The following SEMA3D variants were observed in gnomAD, a reference collection of about 807,000 sequenced individuals.
SEMA3D encodes semaphorin 3D.
Under a neutral mutation model 100.1 loss-of-function variants are expected in SEMA3D, and 84 were observed. That is an observed-to-expected ratio of 0.84 (90% CI 0.70 to 1.01). SEMA3D has a LOEUF of 1.01. Ranked by LOEUF, SEMA3D falls within the 50% of genes least tolerant of loss-of-function variation. SEMA3D has a pLI of 0.00. For missense variants in SEMA3D, 875 were observed against 934.1 expected (o/e 0.94, Z 0.82); for synonymous variants, 312 against 320.7 (o/e 0.97, Z 0.29).
At position 84,996,641 on chromosome 7, in the gene SEMA3D, A is replaced by G. The variant is rs1397233670; in HGVS notation, c.*2799T>C. 6.6e-6 allele frequency: 1 copy of G among 152,440 alleles called. No individual in the cohort carries two copies. 9.4% of individuals were successfully genotyped at this position (152,440 alleles called of 1,614,324 possible). On this transcript the variant is annotated 3_prime_UTR_variant, in exon 19 of 19. Transcript: ENST00000284136. ...ATGTAAATGAATGCAGACATGCGGG[A>G]TTCTATTTAGCAGCATAAATTGCTG...
chr7:85,207,346 C>G, the SEMA3D span, among the ~76,000 whole-genome samples: 2 of 151,982 alleles, frequency 1.3e-5, no homozygotes, highest in African/African-American at 4.8e-5. Context: ...CATACATTGA[C>G]AAGGAGGTTT....
chr7:85,083,857 A>AT (rs1788138726), intron 4 of SEMA3D, among the ~76,000 whole-genome samples: 1 of 142,592 alleles, frequency 7.0e-6, no homozygotes, highest in Non-Finnish European at 1.5e-5. Context: ...AAAAAAAAAA[A>AT]ATTGCATCGG....
At chr7:85,176,803 G>T (rs996872888) in intron 1 of SEMA3D, among the ~76,000 whole-genome samples, 144 of 149,272 alleles carry the variant, frequency 9.6e-4, no homozygotes, top group East Asian at 2.4e-3. Flanking sequence ...TAGAGAGAGA[G>T]AGAGAGAGAG....
At chr7:85,014,009 A>G (rs1643569056) in intron 16 of SEMA3D, among the ~76,000 whole-genome samples, 1 of 151,766 alleles carries the variant, frequency 6.6e-6, no homozygotes, top group Non-Finnish European at 1.5e-5. Context: ...TTAACTTTTA[A>G]TTTCTAATAA....
chr7:85,209,966 G>A, the SEMA3D span, among the ~76,000 whole-genome samples: 1 of 152,052 alleles, frequency 6.6e-6, no homozygotes, highest in African/African-American at 2.4e-5. Context: ...CAGTAGTGGA[G>A]TGATAACTCC....
At chr7:85,021,069 A>G (rs925712410) in intron 13 of SEMA3D, among the ~76,000 whole-genome samples, 3 of 151,832 alleles carry the variant, frequency 2.0e-5, no homozygotes, top group East Asian at 1.9e-4. Flanking sequence ...TTTAATTTAT[A>G]TAATATAGGC....
At chr7:85,250,109 A>G in the SEMA3D span, among the ~76,000 whole-genome samples, 4,211 of 152,014 alleles carry the variant, frequency 0.028, 200 homozygotes, top group African/African-American at 0.095. Context: ...GGGGTGAAGG[A>G]CGCACCTGGA....
At chr7:85,174,836 G>C (rs1791183374) in intron 1 of SEMA3D, among the ~76,000 whole-genome samples, 1 of 152,094 alleles carries the variant, frequency 6.6e-6, no homozygotes. Context: ...ATCGTAGCCA[G>C]AGCCCCTTAG....
At chr7:85,220,560 T>A in the SEMA3D span, among the ~76,000 whole-genome samples, 4 of 152,010 alleles carry the variant, frequency 2.6e-5, no homozygotes. Context: ...GCACCTTGCT[T>A]ACTGTGTAAT....
chr7:85,183,865 G>A (rs953989451), intron 1 of SEMA3D, among the ~76,000 whole-genome samples: 4 of 152,170 alleles, frequency 2.6e-5, no homozygotes, highest in Admixed American at 1.3e-4. Flanking sequence ...ACTGAAATAC[G>A]AAGTAAATTT....
chr7:85,041,180 C>A (rs1790852200), intron 10 of SEMA3D: 1 of 154,014 alleles, frequency 6.5e-6, no homozygotes, highest in Non-Finnish European at 1.4e-5. Flanking sequence ...GCCTCAGCCT[C>A]CCTAGTATCT....
chr7:85,058,770 A>AAAAACC, intron 8 of SEMA3D, among the ~76,000 whole-genome samples: 1 of 151,096 alleles, frequency 6.6e-6, no homozygotes. Context: ...AAAAAAAAGC[A>AAAAACC]ACTCTTTGTG....
chr7:85,018,229 T>G, intron 15 of SEMA3D, 23 bp downstream of exon 15: 2 of 1,512,944 alleles, frequency 1.3e-6, no homozygotes, highest in Non-Finnish European at 1.8e-6. Context: ...GTGATTAACT[T>G]TCATACAAAA....
chr7:85,051,485 T>C (rs1791163819), intron 9 of SEMA3D, among the ~76,000 whole-genome samples: 1 of 151,956 alleles, frequency 6.6e-6, no homozygotes, highest in Non-Finnish European at 1.5e-5. Context: ...CTCAATTGCC[T>C]CTGCAGACAC....
chr7:85,122,825 T>C (rs1200768297), intron 2 of SEMA3D, among the ~76,000 whole-genome samples: 1 of 151,844 alleles, frequency 6.6e-6, no homozygotes, highest in Non-Finnish European at 1.5e-5. Context: ...AATATAAGGG[T>C]TTATAAGAGG....
the SEMA3D span, among the ~76,000 whole-genome samples, chr7:85,199,124 A>G: frequency 6.6e-6 from 1 of 151,756 alleles, no homozygotes; most frequent in African/African-American, 2.4e-5. Flanking sequence ...TAATTGTGTT[A>G]TTTTCTAAAT....
chr7:84,999,939 A>T, intron 18 of SEMA3D, 74 bp from the exon 19 acceptor site: 1 of 1,157,910 alleles, frequency 8.6e-7, no homozygotes, highest in Non-Finnish European at 1.2e-6. Context: ...CAGGCTACAT[A>T]GTTTTACTTA....
chr7:85,185,796 G>A (rs1042996834), intron 1 of SEMA3D, among the ~76,000 whole-genome samples: 1 of 152,174 alleles, frequency 6.6e-6, no homozygotes, highest in Non-Finnish European at 1.5e-5. Flanking sequence ...GCGCTACCAG[G>A]GTAGCCCATT....
chr7:85,163,987 A>C (rs1246335547), intron 1 of SEMA3D, among the ~76,000 whole-genome samples: 1 of 152,108 alleles, frequency 6.6e-6, no homozygotes, highest in Non-Finnish European at 1.5e-5. Flanking sequence ...AATAATCACC[A>C]ATCTTTTTTG....
Sources: allele counts gnomAD v4.1 joint callset (sites outside exome capture counted in the v4.1 genomes callset), GRCh38; gene constraint gnomAD v4.1.1; transcripts MANE v1.5; gene names NCBI Gene and HGNC (gene_info 2026-07-23, HGNC 2026-07-21).